Variants in INVS observed in about 807,000 individuals in gnomAD.
INVS encodes the protein inversin, also known as inversion of embryo turning homolog.
Under a neutral mutation model 108.8 loss-of-function variants are expected in INVS, and 86 were observed. The ratio of observed to expected loss-of-function variants is 0.79; its 90% confidence interval spans 0.66 to 0.95. The LOEUF (loss-of-function observed/expected upper bound fraction) is 0.95. Ranked by LOEUF, INVS falls within the 40% of genes least tolerant of loss-of-function variation. The pLI, the probability that INVS is intolerant of heterozygous loss-of-function variation, is 0.00. For missense variants in INVS, 1,169 were observed against 1,297.4 expected (o/e 0.90, Z 1.52); for synonymous variants, 455 against 473.5 (o/e 0.96, Z 0.51).
chr9:100,186,797 T>A (rs1037990174), intron 3 of INVS, among the ~76,000 whole-genome samples: 2 of 152,184 alleles, frequency 1.3e-5, no homozygotes, highest in Non-Finnish European at 2.9e-5. Flanking sequence ...AATATGTTCT[T>A]CCATTTTGTG....
chr9:100,163,893 C>T (rs545399742), intron 3 of INVS, among the ~76,000 whole-genome samples: 10 of 152,100 alleles, frequency 6.6e-5, no homozygotes, highest in South Asian at 2.1e-4. Flanking sequence ...TCTACTTTTA[C>T]GCTGCACAAG....
chr9:100,213,857 G>A (rs939430369), intron 3 of INVS, among the ~76,000 whole-genome samples: 1 of 152,130 alleles, frequency 6.6e-6, no homozygotes, highest in Non-Finnish European at 1.5e-5. Context: ...CCAGTTGCTT[G>A]TTGCAAACAC....
chr9:100,203,073 A>G (rs2118243580), intron 3 of INVS, among the ~76,000 whole-genome samples: 1 of 152,372 alleles, frequency 6.6e-6, no homozygotes, highest in East Asian at 1.9e-4. Flanking sequence ...CATAGCTCTC[A>G]GCAAATTATA....
chr9:100,194,547 C>T (rs1830318722), intron 3 of INVS, among the ~76,000 whole-genome samples: 2 of 151,100 alleles, frequency 1.3e-5, no homozygotes, highest in African/African-American at 4.9e-5. Flanking sequence ...TCCCTTCTTT[C>T]CTTTCTTCCT....
At chr9:100,288,392 T>C (rs1049339026) in intron 13 of INVS, among the ~76,000 whole-genome samples, 1 of 152,190 alleles carries the variant, frequency 6.6e-6, no homozygotes, top group Non-Finnish European at 1.5e-5. Context: ...CTCTCAATAA[T>C]GCGATTATCT....
At chr9:100,266,640 C>G (rs946374681) in intron 11 of INVS, among the ~76,000 whole-genome samples, 12 of 152,138 alleles carry the variant, frequency 7.9e-5, no homozygotes. Flanking sequence ...TTTGTGCTGA[C>G]CTCCTATTTC....
At chr9:100,267,229 T>TGAA (rs1456286778) in intron 11 of INVS, among the ~76,000 whole-genome samples, 1 of 152,164 alleles carries the variant, frequency 6.6e-6, no homozygotes, top group Non-Finnish European at 1.5e-5. Context: ...ATTAAGGTGT[T>TGAA]TACTGCCTCC....
chr9:100,241,182 T>G (rs1170669630), intron 6 of INVS, among the ~76,000 whole-genome samples: 1 of 152,184 alleles, frequency 6.6e-6, no homozygotes, highest in African/African-American at 2.4e-5. Flanking sequence ...GCACTCACTT[T>G]TATCGCCAGA....
chr9:100,148,747 CA>C (rs1368038761), intron 3 of INVS, among the ~76,000 whole-genome samples: 4 of 152,124 alleles, frequency 2.6e-5, no homozygotes, highest in African/African-American at 9.7e-5. Flanking sequence ...TATTGTAAAT[CA>C]CATCCATTCT....
intron 13 of INVS, among the ~76,000 whole-genome samples, chr9:100,289,258 G>C (rs1037600449): frequency 6.6e-6 from 1 of 152,164 alleles, no homozygotes; most frequent in Non-Finnish European, 1.5e-5. Flanking sequence ...TGAATAACAA[G>C]GTTCACTTCT....
chr9:100,176,950 T>G (rs546598723), intron 3 of INVS, among the ~76,000 whole-genome samples: 28 of 151,840 alleles, frequency 1.8e-4, no homozygotes, highest in Admixed American at 2.6e-4. Flanking sequence ...TCAGTACTAG[T>G]TTGCCTGGTT....
intron 3 of INVS, among the ~76,000 whole-genome samples, chr9:100,188,599 C>A (rs1369644336): frequency 6.7e-6 from 1 of 150,124 alleles, no homozygotes; most frequent in Admixed American, 6.6e-5. Flanking sequence ...GTTTTTGCAT[C>A]CATGTTCATC....
At chr9:100,100,686 T>TA (rs1826838662) in intron 1 of INVS, among the ~76,000 whole-genome samples, 3 of 38,396 alleles carry the variant, frequency 7.8e-5, no homozygotes, top group Non-Finnish European at 1.2e-4. Context: ...ATATAATATA[T>TA]ATATTATATA....
At chr9:100,276,858 T>G (rs1833129304) in intron 12 of INVS, among the ~76,000 whole-genome samples, 1 of 152,172 alleles carries the variant, frequency 6.6e-6, no homozygotes, top group African/African-American at 2.4e-5. Flanking sequence ...CAACATTTCT[T>G]TCACTTCCAC....
chr9:100,250,423 G>A lies in INVS; in HGVS notation c.1079-1860G>A, dbSNP rs528993574. ...TGTTCTACCCTGTGCTGTCTTTCAT[G>A]TTATAGCACTTCAGATATTTGAAGT... is the stretch of plus-strand genomic sequence containing the variant. On this transcript the variant is annotated intron_variant, in intron 8 of 16. Coordinates refer to ENST00000262457, the MANE Select transcript of INVS (RefSeq NM_014425.5). 3.9e-5 allele frequency among the ~76,000 whole-genome samples: 6 copies of A among 152,214 alleles called. No individual in the cohort carries two copies. In the South Asian group the frequency reaches 1.2e-3, roughly 32 times the overall value.
At chr9:100,293,758 C>T (rs1291662550) in intron 14 of INVS, among the ~76,000 whole-genome samples, 1 of 152,184 alleles carries the variant, frequency 6.6e-6, no homozygotes, top group Non-Finnish European at 1.5e-5. Context: ...CTTATTGCTA[C>T]AAATGTTCAC....
intron 3 of INVS, among the ~76,000 whole-genome samples, chr9:100,200,038 A>T (rs532861134): frequency 6.6e-6 from 1 of 152,184 alleles, no homozygotes; most frequent in South Asian, 2.1e-4. Flanking sequence ...TCTAAACTGA[A>T]ATTTATTGGC....
At chr9:100,255,594 A>T (rs2118578379) in intron 10 of INVS, among the ~76,000 whole-genome samples, 1 of 152,220 alleles carries the variant, frequency 6.6e-6, no homozygotes, top group African/African-American at 2.4e-5. Context: ...TCCCATCAAT[A>T]CCTAGTTTAT....
chr9:100,256,117 T>A (rs190419070), intron 10 of INVS, among the ~76,000 whole-genome samples: 5 of 152,364 alleles, frequency 3.3e-5, no homozygotes, highest in African/African-American at 1.2e-4. Flanking sequence ...ATTCAGGGAT[T>A]CAACTTCTTC....
Sources: allele counts gnomAD v4.1 joint callset (sites outside exome capture counted in the v4.1 genomes callset), GRCh38; gene constraint gnomAD v4.1.1; transcripts MANE v1.5; gene names NCBI Gene and HGNC (gene_info 2026-07-23, HGNC 2026-07-21).